Variants in DOCK1 observed in about 807,000 individuals in gnomAD.
DOCK1 encodes the protein dedicator of cytokinesis protein 1.
Under a neutral mutation model 262.7 loss-of-function variants are expected in DOCK1, and 138 were observed. The ratio of observed to expected loss-of-function variants is 0.53; its 90% CI spans 0.46 to 0.61. DOCK1 has a LOEUF of 0.61. Among genes scored for constraint, DOCK1 ranks in the 20% least tolerant of loss-of-function variants. The pLI is 0.00. For missense variants in DOCK1, 1,908 were observed against 2,370.7 expected (o/e 0.80, Z 4.05); for synonymous variants, 866 against 867.4 (o/e 1.00, Z 0.03).
chr10:127,051,553 A>G (rs1033599610), intron 21 of DOCK1, among the ~76,000 whole-genome samples: 6 of 152,324 alleles, frequency 3.9e-5, no homozygotes, highest in Middle Eastern at 3.4e-3. Context: ...TAAAATACAC[A>G]TAACATAAAA....
intron 4 of DOCK1, among the ~76,000 whole-genome samples, chr10:126,986,196 T>C (rs1258998842): frequency 6.6e-6 from 1 of 152,104 alleles, no homozygotes; most frequent in East Asian, 1.9e-4. Context: ...GCCTGCACCC[T>C]TCCCTCTGAT....
chr10:127,400,199 C>T (rs2067140644), intron 38 of DOCK1, among the ~76,000 whole-genome samples: 1 of 143,526 alleles, frequency 7.0e-6, no homozygotes, highest in Non-Finnish European at 1.5e-5. Context: ...AAAAAAAAAG[C>T]AGATGGTTTC....
At chr10:127,163,183 A>T (rs146877060) in intron 27 of DOCK1, among the ~76,000 whole-genome samples, 1 of 152,244 alleles carries the variant, frequency 6.6e-6, no homozygotes, top group South Asian at 2.1e-4. Context: ...GGCTGGGAAC[A>T]TGTCTTTGTT....
intron 10 of DOCK1, among the ~76,000 whole-genome samples, chr10:127,003,220 G>A (rs1317481794): frequency 6.8e-6 from 1 of 147,890 alleles, no homozygotes; most frequent in Non-Finnish European, 1.5e-5. Flanking sequence ...GTGAACCTGT[G>A]TGAACCTTTA....
At chr10:127,156,861 C>T (rs894559012) in intron 27 of DOCK1, among the ~76,000 whole-genome samples, 1 of 152,196 alleles carries the variant, frequency 6.6e-6, no homozygotes, top group Admixed American at 6.5e-5. Context: ...TGCCACCATG[C>T]CTGGCCCGAG....
At chr10:127,394,198 C>A (rs1208473601) in intron 38 of DOCK1, among the ~76,000 whole-genome samples, 3 of 152,098 alleles carry the variant, frequency 2.0e-5, no homozygotes, top group African/African-American at 7.2e-5. Flanking sequence ...CCTCTGAAAT[C>A]AAGAAACAGC....
chr10:127,320,138 C>T (rs528473061), intron 29 of DOCK1, among the ~76,000 whole-genome samples: 7 of 102,896 alleles, frequency 6.8e-5, no homozygotes, highest in Non-Finnish European at 1.2e-4. Flanking sequence ...TCCCAGTAGC[C>T]GTCTAAGAGC....
chr10:127,119,107 A>T (rs2049375579), intron 25 of DOCK1, among the ~76,000 whole-genome samples: 1 of 150,790 alleles, frequency 6.6e-6, no homozygotes, highest in Admixed American at 6.6e-5. Flanking sequence ...GCAGTGGCGC[A>T]ATCTCGGCTT....
chr10:126,948,707 A>G (rs2035859460), intron 1 of DOCK1, among the ~76,000 whole-genome samples: 1 of 152,088 alleles, frequency 6.6e-6, no homozygotes, highest in East Asian at 1.9e-4. Context: ...GGAGCCTGTG[A>G]TGCGGGCGCC....
intron 29 of DOCK1, among the ~76,000 whole-genome samples, chr10:127,274,587 G>C (rs773951583): frequency 2.6e-5 from 4 of 152,164 alleles, no homozygotes; most frequent in Non-Finnish European, 5.9e-5. Flanking sequence ...TGTTTTGCAG[G>C]CCACATGAAC....
chr10:127,262,205 T>G, intron 29 of DOCK1, among the ~76,000 whole-genome samples: 1 of 95,502 alleles, frequency 1.0e-5, no homozygotes, highest in African/African-American at 3.9e-5. Context: ...TGCTCATCTG[T>G]GTGTGTGCGT....
At position 126,922,222 on chromosome 10, in the gene DOCK1, A is replaced by G. The variant is rs1460916613; in HGVS notation, c.46+16659A>G. Among the ~76,000 whole-genome samples the G allele has an allele frequency of 3.3e-5, 5 of 151,708 alleles. No individual in the cohort carries two copies. The East Asian group carries it at 9.7e-4, about 29-fold the overall frequency. On this transcript the variant is annotated intron_variant, in intron 1 of 51. Coordinates refer to ENST00000623213, the MANE Select transcript of DOCK1 (RefSeq NM_001290223.2). ...ACGACCCTGTATCAAAAAAAAAAAA[A>G]AAAAAAAAAAAAGGAAAGAGTTATA...
chr10:127,106,381 C>T (rs1014700165), intron 24 of DOCK1, 80 bp downstream of exon 24: 16 of 1,468,336 alleles, frequency 1.1e-5, no homozygotes, highest in Non-Finnish European at 1.4e-5. Flanking sequence ...ATGGGATGCT[C>T]AGGGTTCTGC....
intron 29 of DOCK1, among the ~76,000 whole-genome samples, chr10:127,284,943 G>A (rs1402884057): frequency 6.6e-6 from 1 of 152,018 alleles, no homozygotes; most frequent in African/African-American, 2.4e-5. Flanking sequence ...AACTAGACTG[G>A]GCAATATAGT....
At chr10:127,121,153 CT>C (rs1340790842) in intron 25 of DOCK1, among the ~76,000 whole-genome samples, 1 of 151,962 alleles carries the variant, frequency 6.6e-6, no homozygotes, top group African/African-American at 2.4e-5. Flanking sequence ...GGTTCCTGGA[CT>C]TCTGGTCAAG....
At chr10:127,422,026 G>A (rs1366270626) in intron 46 of DOCK1, among the ~76,000 whole-genome samples, 1 of 152,066 alleles carries the variant, frequency 6.6e-6, no homozygotes, top group Non-Finnish European at 1.5e-5. Context: ...GGCTCATGTG[G>A]TATTCTGTGT....
At chr10:127,341,416 G>A (rs1256498161) in intron 30 of DOCK1, among the ~76,000 whole-genome samples, 1 of 151,840 alleles carries the variant, frequency 6.6e-6, no homozygotes, top group Non-Finnish European at 1.5e-5. Context: ...AAATCAGATA[G>A]CTGAGTTTCT....
At chr10:127,316,502 A>G (rs902393843) in intron 29 of DOCK1, among the ~76,000 whole-genome samples, 39 of 152,192 alleles carry the variant, frequency 2.6e-4, no homozygotes, top group Admixed American at 6.5e-5. Flanking sequence ...TTGGCCTTGT[A>G]TTGGATTCAT....
intron 27 of DOCK1, among the ~76,000 whole-genome samples, chr10:127,134,606 C>A (rs925261559): frequency 1.3e-5 from 2 of 152,068 alleles, no homozygotes. Context: ...TAGAACAGGA[C>A]CTTTGAGGCA....
Sources: allele counts gnomAD v4.1 joint callset (sites outside exome capture counted in the v4.1 genomes callset), GRCh38; gene constraint gnomAD v4.1.1; transcripts MANE v1.5; gene names NCBI Gene and HGNC (gene_info 2026-07-23, HGNC 2026-07-21).